Variants in IMMP1L observed in about 807,000 individuals in gnomAD.
IMMP1L encodes the protein inner mitochondrial membrane peptidase subunit 1, also known as mitochondrial inner membrane protease subunit 1.
In IMMP1L, 24 loss-of-function variants were observed where a neutral mutation model predicts 21.8. The observed-to-expected ratio is 1.10, with a 90% CI of 0.80 to 1.55. IMMP1L has a LOEUF of 1.55. IMMP1L is among the 40% of genes most tolerant of loss of function. The pLI is 0.00. For synonymous variants in IMMP1L, 46 were observed against 62.8 expected (o/e 0.73, Z 1.26); for missense variants, 195 against 200.7 (o/e 0.97, Z 0.17).
chr11:31,467,825 G>A (rs1954412595), intron 1 of IMMP1L, among the ~76,000 whole-genome samples: 1 of 149,676 alleles, frequency 6.7e-6, no homozygotes, highest in Admixed American at 6.7e-5. Flanking sequence ...TCTTTCCAAT[G>A]GGAAGATCTG....
chr11:31,497,905 A>G (rs558004459), intron 1 of IMMP1L, among the ~76,000 whole-genome samples: 3 of 152,324 alleles, frequency 2.0e-5, no homozygotes, highest in Admixed American at 6.5e-5. Flanking sequence ...CACATACACA[A>G]ATTTTTTTAA....
chr11:31,480,533 G>A (rs552058565), intron 1 of IMMP1L, among the ~76,000 whole-genome samples: 4 of 151,860 alleles, frequency 2.6e-5, no homozygotes, highest in South Asian at 4.2e-4. Context: ...ATGTTCTTAA[G>A]GTACTAACTC....
intron 1 of IMMP1L, among the ~76,000 whole-genome samples, chr11:31,505,183 T>C (rs991065486): frequency 2.0e-5 from 3 of 152,232 alleles, no homozygotes; most frequent in African/African-American, 7.2e-5. Flanking sequence ...TTGCCTACCA[T>C]GTTCATTATA....
At chr11:31,461,758 T>TA (rs1281777804) in intron 2 of IMMP1L, among the ~76,000 whole-genome samples, 2 of 152,242 alleles carry the variant, frequency 1.3e-5, no homozygotes, top group East Asian at 1.9e-4. Flanking sequence ...TATATGCAAA[T>TA]ATTCCAAAAT....
intron 1 of IMMP1L, chr11:31,477,601 G>T (rs1020933267): frequency 8.4e-6 from 8 of 955,858 alleles, no homozygotes; most frequent in Non-Finnish European, 1.0e-5. Flanking sequence ...GAAAGGATTA[G>T]TTCTCAGTTG....
chr11:31,459,140 T>C (rs969676383), intron 3 of IMMP1L, among the ~76,000 whole-genome samples: 2 of 152,200 alleles, frequency 1.3e-5, no homozygotes, highest in African/African-American at 2.4e-5. Flanking sequence ...ATTAAGTATA[T>C]AGAAGTTGTT....
chr11:31,459,451 C>T (rs1300855190), intron 3 of IMMP1L, among the ~76,000 whole-genome samples: 1 of 151,916 alleles, frequency 6.6e-6, no homozygotes, highest in Non-Finnish European at 1.5e-5. Context: ...AACAAATGGA[C>T]TCAAAATTTT....
At chr11:31,468,993 T>C (rs1172015404) in intron 1 of IMMP1L, among the ~76,000 whole-genome samples, 1 of 152,186 alleles carries the variant, frequency 6.6e-6, no homozygotes, top group Non-Finnish European at 1.5e-5. Flanking sequence ...GTTTTGATTG[T>C]AGCCATCCCA....
rs375838202 is a variant in IMMP1L at position 31,490,162 on chromosome 11, A to ATG, written c.-30+19355_-30+19356dup. Among the ~76,000 whole-genome samples, 451 of 152,316 alleles carry ATG rather than the reference A, an allele frequency of 3.0e-3. 2 individuals carry two copies. Among genetic ancestry groups the ATG allele is most frequent in the African/African-American group, 1.0e-2 (415 of 41,570 alleles). On this transcript the variant is annotated intron_variant, in intron 1 of 5. Coordinates refer to ENST00000532287, the MANE Select transcript of IMMP1L (RefSeq NM_001304274.2). ...GAACTTTAGCGCTATTTATTCACATATGTGTGTGTATGTAATGTGCACTAT... is the reference window on the plus strand; with the variant it reads ...GAACTTTAGCGCTATTTATTCACATATGTGTGTGTGTATGTAATGTGCACTAT...
chr11:31,475,951 C>CAGGTTT (rs1035424966), intron 1 of IMMP1L, among the ~76,000 whole-genome samples: 1 of 152,050 alleles, frequency 6.6e-6, no homozygotes, highest in African/African-American at 2.4e-5. Context: ...AAATACTGAC[C>CAGGTTT]AGGTTTAGTA....
At chr11:31,432,780 A>G (rs750903334) in intron 5 of IMMP1L, among the ~76,000 whole-genome samples, 12 of 152,208 alleles carry the variant, frequency 7.9e-5, no homozygotes, top group African/African-American at 1.2e-4. Flanking sequence ...GGGACATTCA[A>G]ACAATGTACA....
intron 4 of IMMP1L, chr11:31,449,031 G>C: frequency 1.0e-6 from 1 of 985,220 alleles, no homozygotes; most frequent in Non-Finnish European, 1.2e-6. Flanking sequence ...TGCCATGATT[G>C]ATTATCCTAG....
At chr11:31,483,090 A>G (rs1187339341) in intron 1 of IMMP1L, among the ~76,000 whole-genome samples, 3 of 152,046 alleles carry the variant, frequency 2.0e-5, no homozygotes, top group Non-Finnish European at 4.4e-5. Context: ...TCTATATATA[A>G]TACAAAAACA....
chr11:31,457,879 A>G (rs1296223830), intron 3 of IMMP1L, among the ~76,000 whole-genome samples: 1 of 152,180 alleles, frequency 6.6e-6, no homozygotes, highest in African/African-American at 2.4e-5. Context: ...GTTACATTCT[A>G]TAATTTGGAG....
intron 1 of IMMP1L, among the ~76,000 whole-genome samples, chr11:31,485,926 G>A (rs963046031): frequency 2.0e-5 from 3 of 151,706 alleles, no homozygotes; most frequent in Admixed American, 6.6e-5. Context: ...AAAGACACAC[G>A]TTTTTCTGAT....
intron 4 of IMMP1L, among the ~76,000 whole-genome samples, chr11:31,445,693 A>G (rs536848009): frequency 3.9e-4 from 59 of 151,974 alleles, no homozygotes; most frequent in African/African-American, 1.4e-3. Context: ...TTGTGAATAC[A>G]AAATTGCAAA....
At chr11:31,459,011 G>A (rs1591977187) in intron 3 of IMMP1L, among the ~76,000 whole-genome samples, 1 of 152,234 alleles carries the variant, frequency 6.6e-6, no homozygotes, top group Middle Eastern at 3.4e-3. Flanking sequence ...GCTACAGTGG[G>A]GCTAGGTCTC....
rs1474432159 is a variant in IMMP1L, at chr11:31,432,506, A to C, written c.495T>G (p.Asp165Glu). 1 of 1,609,724 alleles carries C rather than the reference A, an allele frequency of 6.2e-7. No individual in the cohort carries two copies. Among genetic ancestry groups the C allele is most frequent in the African/African-American group, 1.3e-5 (1 of 74,956 alleles). The change falls in exon 6 of 6, where the codon GAT becomes GAG. Residue 165 changes from aspartate (D) to glutamate (E), a missense_variant. Coordinates refer to ENST00000532287, the MANE Select transcript of IMMP1L (RefSeq NM_001304274.2). ...TCAAAAGAATAAATGCTTACTAATC[A>C]TCAGAAAATCTGTGGCCATTAGGGC... Reference protein sequence around the residue: ...RASPNGHRFSDD With the variant: ...RASPNGHRFSED
intron 1 of IMMP1L, among the ~76,000 whole-genome samples, chr11:31,480,659 A>T (rs1159143121): frequency 6.6e-6 from 1 of 152,074 alleles, no homozygotes; most frequent in Non-Finnish European, 1.5e-5. Context: ...AATTTAAATC[A>T]ATTTTTTATG....
Sources: allele counts gnomAD v4.1 joint callset (sites outside exome capture counted in the v4.1 genomes callset), GRCh38; gene constraint gnomAD v4.1.1; transcripts MANE v1.5; gene names NCBI Gene and HGNC (gene_info 2026-07-23, HGNC 2026-07-21).